The following RBFOX1 variants were observed in gnomAD, a reference collection of about 807,000 sequenced individuals.
RBFOX1 encodes RNA binding protein fox-1 homolog 1.
Under a neutral mutation model 57.7 loss-of-function variants are expected in RBFOX1, and 8 were observed. That is an observed-to-expected ratio of 0.14 (90% CI 0.08 to 0.25). The LOEUF is 0.25. RBFOX1 is among the 10% of genes least tolerant of loss of function. The pLI is 1.00. For synonymous variants in RBFOX1, 326 were observed against 222.4 expected, an observed-to-expected ratio of 1.47 and a Z score of -4.15; for missense variants, 611 against 548.5, an observed-to-expected ratio of 1.11 and a Z score of -1.14.
intron 3 of RBFOX1, among the ~76,000 whole-genome samples, chr16:7,046,237 GGT>G (rs34943266): frequency 0.05 from 7,359 of 145,804 alleles, 334 homozygotes; most frequent in African/African-American, 0.12. Flanking sequence ...TAGGTAAAGG[GGT>G]GTGTGTGTGT....
intron 3 of RBFOX1, among the ~76,000 whole-genome samples, chr16:6,767,481 T>C (rs1229862303): frequency 2.6e-5 from 4 of 152,198 alleles, no homozygotes; most frequent in African/African-American, 7.2e-5. Flanking sequence ...CGAATACATT[T>C]CTTTTTTTGC....
intron 2 of RBFOX1, among the ~76,000 whole-genome samples, chr16:6,529,257 T>A (rs2153815371): frequency 6.6e-6 from 1 of 152,242 alleles, no homozygotes; most frequent in African/African-American, 2.4e-5. Flanking sequence ...TAAGTTCTAC[T>A]ATGCATAAAA....
intron 1 of RBFOX1, among the ~76,000 whole-genome samples, chr16:6,252,866 A>G (rs2097629809): frequency 6.6e-6 from 1 of 152,192 alleles, no homozygotes; most frequent in South Asian, 2.1e-4. Context: ...TCGTGTAGGC[A>G]CAGCCCATCT....
At chr16:7,081,984 A>G (rs372402231) in intron 4 of RBFOX1, among the ~76,000 whole-genome samples, 12 of 152,156 alleles carry the variant, frequency 7.9e-5, no homozygotes, top group Admixed American at 4.6e-4. Flanking sequence ...AGAGATCACA[A>G]CTGGAAATGA....
In RBFOX1 at chr16:7,444,441, G is replaced by C. The variant is rs374198329; in HGVS notation, c.28-73706G>C. Among the ~76,000 whole-genome samples, 6 of 152,290 alleles carry C rather than the reference G, an allele frequency of 3.9e-5. No homozygotes were observed. The East Asian group carries it at 9.7e-4, about 25-fold the overall frequency. On this transcript the variant is annotated intron_variant, in intron 4 of 15. Transcript: ENST00000550418. ...GGAAAAGAGAACAGAGTTGAAGACT[G>C]AACAGCCTAGGGGGAGAGCAGAAAG... is the stretch of plus-strand genomic sequence containing the variant.
chr16:6,392,128 C>G (rs2092632201), intron 2 of RBFOX1, among the ~76,000 whole-genome samples: 1 of 152,148 alleles, frequency 6.6e-6, no homozygotes, highest in African/African-American at 2.4e-5. Flanking sequence ...GTTCTATGGC[C>G]TGGGAGGGAA....
At chr16:6,003,438 A>G (rs1176085468) in intron 4 of RBFOX1, among the ~76,000 whole-genome samples, 1 of 152,002 alleles carries the variant, frequency 6.6e-6, no homozygotes, top group East Asian at 1.9e-4. Context: ...CTCCTCCTGC[A>G]TTTTGGTGAC....
chr16:7,093,042 A>G (rs1273044985), intron 4 of RBFOX1, among the ~76,000 whole-genome samples: 3 of 152,186 alleles, frequency 2.0e-5, no homozygotes, highest in African/African-American at 7.2e-5. Flanking sequence ...TTCGTTTTTT[A>G]TTCCAAAGTT....
chr16:7,318,848 C>G (rs559511369), intron 4 of RBFOX1, among the ~76,000 whole-genome samples: 2 of 152,070 alleles, frequency 1.3e-5, no homozygotes, highest in Non-Finnish European at 1.5e-5. Flanking sequence ...TCTGGCAGAG[C>G]GCAACATGAA....
At chr16:7,337,324 T>G (rs2096808172) in intron 4 of RBFOX1, among the ~76,000 whole-genome samples, 1 of 151,904 alleles carries the variant, frequency 6.6e-6, no homozygotes, top group African/African-American at 2.4e-5. Context: ...GGGAAGAGGG[T>G]GGTTTCAAAG....
intron 2 of RBFOX1, among the ~76,000 whole-genome samples, chr16:6,439,135 G>A (rs545597864): frequency 7.2e-5 from 11 of 152,148 alleles, no homozygotes; most frequent in Non-Finnish European, 8.8e-5. Context: ...TCCCACTTGA[G>A]CATGCCGATG....
At chr16:6,250,837 C>T (rs528289707) in intron 1 of RBFOX1, among the ~76,000 whole-genome samples, 31 of 152,140 alleles carry the variant, frequency 2.0e-4, no homozygotes, top group Non-Finnish European at 4.0e-4. Context: ...TGTGAACTGA[C>T]CGTGCATTGC....
intron 4 of RBFOX1, among the ~76,000 whole-genome samples, chr16:7,288,757 C>G (rs1175438564): frequency 3.3e-5 from 5 of 152,290 alleles, no homozygotes; most frequent in African/African-American, 1.2e-4. Context: ...AGGAGAATCA[C>G]TTGAACCCAG....
chr16:6,807,588 C>T (rs1406510637), intron 3 of RBFOX1, among the ~76,000 whole-genome samples: 1 of 152,042 alleles, frequency 6.6e-6, no homozygotes, highest in Non-Finnish European at 1.5e-5. Flanking sequence ...GAGCCTGAGG[C>T]AGGCAGATCA....
intron 4 of RBFOX1, among the ~76,000 whole-genome samples, chr16:7,384,418 A>G (rs377752869): frequency 2.0e-5 from 3 of 152,222 alleles, no homozygotes; most frequent in South Asian, 4.2e-4. Flanking sequence ...CTCTCCTGGT[A>G]TTTTGGTTCT....
chr16:7,260,651 A>G (rs2094882839), intron 4 of RBFOX1, among the ~76,000 whole-genome samples: 1 of 152,090 alleles, frequency 6.6e-6, no homozygotes, highest in South Asian at 2.1e-4. Flanking sequence ...GTTATATTCC[A>G]TTAGTTTATT....
In RBFOX1 at chr16:7,523,579, C is replaced by T. The variant is rs116888898; in HGVS notation, c.270+5190C>T. Among the ~76,000 whole-genome samples, 1,207 of 152,204 alleles carry T rather than the reference C, an allele frequency of 7.9e-3. 4 individuals carry two copies. The highest frequency in any genetic ancestry group is 0.011 in the Non-Finnish European group (781 of 68,008). On this transcript the variant is annotated intron_variant, in intron 5 of 15. Transcript: ENST00000550418. ...GGTTAGCTGTCTACTCTGTCTTCTC[C>T]AGCAATGTTTGGATGGTACACACTC...
intron 4 of RBFOX1, among the ~76,000 whole-genome samples, chr16:7,065,274 C>T (rs954425954): frequency 7.9e-5 from 12 of 152,020 alleles, no homozygotes; most frequent in Admixed American, 3.3e-4. Flanking sequence ...AGAAGGTGCC[C>T]GTGTGGTCCT....
Position 5,704,126 on chromosome 16 carries a change from T to G in RBFOX1, c.318+105165T>G, listed in dbSNP as rs376624365. ...GCCAGTACAGAAGACTTGGGGCACA[T>G]CCACTGAGGACATGACAGCAAGAAG... On this transcript the variant is annotated intron_variant, in intron 3 of 19. Transcript: ENST00000641259. Among the ~76,000 whole-genome samples, 53 of 152,208 alleles carry G rather than the reference T, an allele frequency of 3.5e-4. No individual in the cohort carries two copies. In the East Asian group the frequency reaches 7.9e-3, roughly 23 times the overall value.
Sources: gnomAD v4.1 joint callset for allele counts (sites outside exome capture counted in the v4.1 genomes callset) on GRCh38, gnomAD v4.1.1 for gene constraint, MANE v1.5 for transcripts, NCBI Gene and HGNC (gene_info 2026-07-23, HGNC 2026-07-21) for gene names.